SEMA6D: variants seen among roughly 807,000 people sequenced by gnomAD.
SEMA6D encodes semaphorin-6D.
SEMA6D carries 35 observed loss-of-function variants against 106.6 expected under a neutral mutation model. That is an observed-to-expected ratio of 0.33 (90% confidence interval 0.25 to 0.44). SEMA6D has a LOEUF of 0.44. Among genes scored for constraint, SEMA6D ranks in the 20% least tolerant of loss-of-function variants. The pLI, the probability that SEMA6D is intolerant of heterozygous loss-of-function variation, is 1.00. For missense variants in SEMA6D, 1,185 were observed against 1,345.9 expected (o/e 0.88, Z 1.87); for synonymous variants, 499 against 487.7 (o/e 1.02, Z -0.31).
chr15:47,433,426 C>T (rs1240701306), intron 2 of SEMA6D, among the ~76,000 whole-genome samples: 2 of 151,804 alleles, frequency 1.3e-5, no homozygotes, highest in Non-Finnish European at 2.9e-5. Flanking sequence ...CAATAAAAAC[C>T]ACAGTAGAGA....
At chr15:47,631,341 TTATTC>T (rs1486547704) in intron 4 of SEMA6D, among the ~76,000 whole-genome samples, 2 of 151,854 alleles carry the variant, frequency 1.3e-5, no homozygotes, top group Admixed American at 6.6e-5. Context: ...TGAAATCCAT[TTATTC>T]TAAATTGTAG....
chr15:47,279,876 A>C (rs11637689), intron 1 of SEMA6D, among the ~76,000 whole-genome samples: 146,397 of 147,810 alleles, frequency 0.99, 72,508 homozygotes, highest in Middle Eastern at 1. Flanking sequence ...AGGGATGAAG[A>C]CCACTTGATC....
intron 1 of SEMA6D, among the ~76,000 whole-genome samples, chr15:47,316,365 TA>T (rs1014900719): frequency 3.9e-5 from 6 of 152,060 alleles, no homozygotes; most frequent in African/African-American, 1.4e-4. Context: ...GTGCTGGGAT[TA>T]CATGCTTGAG....
chr15:47,235,373 G>A (rs1462399807), intron 1 of SEMA6D, among the ~76,000 whole-genome samples: 1 of 151,776 alleles, frequency 6.6e-6, no homozygotes, highest in Non-Finnish European at 1.5e-5. Flanking sequence ...TGTTGCATTT[G>A]CTTTTGGGGT....
chr15:47,733,513 G>T (rs2080263661), intron 1 of SEMA6D, among the ~76,000 whole-genome samples: 1 of 152,152 alleles, frequency 6.6e-6, no homozygotes, highest in South Asian at 2.1e-4. Flanking sequence ...TTGAATACGA[G>T]TCTTGTTCCT....
At chr15:47,466,207 G>A (rs1461196240) in intron 2 of SEMA6D, among the ~76,000 whole-genome samples, 1 of 152,142 alleles carries the variant, frequency 6.6e-6, no homozygotes, top group East Asian at 1.9e-4. Context: ...TGACAAGGAT[G>A]CAATACATTA....
intron 3 of SEMA6D, among the ~76,000 whole-genome samples, chr15:47,584,587 AC>A (rs1383739826): frequency 1.3e-5 from 2 of 151,816 alleles, no homozygotes; most frequent in East Asian, 3.9e-4. Context: ...TGATAATAAA[AC>A]CCTGCAAGGG....
intron 1 of SEMA6D, among the ~76,000 whole-genome samples, chr15:47,224,751 G>A (rs1031734292): frequency 6.6e-6 from 1 of 151,958 alleles, no homozygotes; most frequent in Non-Finnish European, 1.5e-5. Flanking sequence ...TAGAAGTCTG[G>A]AACCTGTTAA....
intron 1 of SEMA6D, among the ~76,000 whole-genome samples, chr15:47,298,089 C>A (rs1029136156): frequency 3.9e-5 from 6 of 152,108 alleles, no homozygotes; most frequent in South Asian, 2.1e-4. Flanking sequence ...CTAACAGGAT[C>A]ACTTTAAAAG....
At position 47,631,690 on chromosome 15, in the gene SEMA6D, G is replaced by A. The variant is rs116087582; in HGVS notation, c.-55+30794G>A. Among the ~76,000 whole-genome samples the A allele has an allele frequency of 3.4e-3, 520 of 152,002 alleles. 3 individuals carry two copies. Among genetic ancestry groups the A allele is most frequent in the African/African-American group, 0.012 (499 of 41,550 alleles). On this transcript the variant is annotated intron_variant, in intron 4 of 19. Transcript: ENST00000558014. ...TAGAAGCTGGAATATCAAGGAAATA[G>A]GTCTTTCCCTAGAACCTATTCTGTA...
chr15:47,210,439 A>G (rs1402083359), intron 1 of SEMA6D, among the ~76,000 whole-genome samples: 2 of 152,096 alleles, frequency 1.3e-5, no homozygotes, highest in Non-Finnish European at 2.9e-5. Context: ...TTACGTGCCC[A>G]AACCAGAATT....
intron 1 of SEMA6D, among the ~76,000 whole-genome samples, chr15:47,355,528 C>A (rs2038531646): frequency 6.6e-6 from 1 of 152,144 alleles, no homozygotes; most frequent in Admixed American, 6.5e-5. Flanking sequence ...AAGAGAGAGA[C>A]TTTCACACAT....
At chr15:47,294,521 C>T (rs1284832050) in intron 1 of SEMA6D, among the ~76,000 whole-genome samples, 1 of 152,182 alleles carries the variant, frequency 6.6e-6, no homozygotes, top group Non-Finnish European at 1.5e-5. Flanking sequence ...GGTGCCCAGC[C>T]TTTAATCTCT....
chr15:47,667,625 G>A (rs1411788739), intron 4 of SEMA6D, among the ~76,000 whole-genome samples: 1 of 152,150 alleles, frequency 6.6e-6, no homozygotes, highest in Non-Finnish European at 1.5e-5. Flanking sequence ...CAGGACCAAG[G>A]AAGACTTGAT....
chr15:47,646,021 C>T (rs986530980), intron 4 of SEMA6D, among the ~76,000 whole-genome samples: 1 of 152,138 alleles, frequency 6.6e-6, no homozygotes, highest in Non-Finnish European at 1.5e-5. Flanking sequence ...AGCTCTCCTA[C>T]CCCATCTTTC....
chr15:47,652,630 A>G (rs1369637), intron 4 of SEMA6D, among the ~76,000 whole-genome samples: 121,869 of 152,196 alleles, frequency 0.8, 49,037 homozygotes, highest in African/African-American at 0.88. Context: ...CACTTCACGT[A>G]TAGACTGCTT....
intron 1 of SEMA6D, among the ~76,000 whole-genome samples, chr15:47,196,218 A>G (rs1242803302): frequency 6.6e-6 from 1 of 152,110 alleles, no homozygotes; most frequent in African/African-American, 2.4e-5. Flanking sequence ...GTTCTTGGAC[A>G]TCCCTAATGC....
In SEMA6D at chr15:47,765,550, A is replaced by G. The variant is rs866867610; in HGVS notation, c.1428-319A>G. 1.4e-4 allele frequency: 102 copies of G among 721,368 alleles called. No individual in the cohort carries two copies. The African/African-American group carries it at 1.8e-3, about 12-fold the overall frequency. 44.7% of individuals were successfully genotyped at this position (721,368 alleles called of 1,614,324 possible). On this transcript the variant is annotated intron_variant, in intron 13 of 18. Transcript: ENST00000536845. ...GGGGACTAAGGAGAGAACCAGAACC[A>G]TCTAACACAGGAAAATTTATATGCA...
At chr15:47,661,633 G>A (rs2077921192) in intron 4 of SEMA6D, among the ~76,000 whole-genome samples, 1 of 152,206 alleles carries the variant, frequency 6.6e-6, no homozygotes, top group Non-Finnish European at 1.5e-5. Flanking sequence ...TGGAGACTTT[G>A]AAGGTAAGAC....
Sources: gnomAD v4.1 joint callset for allele counts (sites outside exome capture counted in the v4.1 genomes callset) on GRCh38, gnomAD v4.1.1 for gene constraint, MANE v1.5 for transcripts, NCBI Gene and HGNC (gene_info 2026-07-23, HGNC 2026-07-21) for gene names.